IFT122: variants seen among roughly 807,000 people sequenced by gnomAD.
IFT122 encodes intraflagellar transport 122, also known as intraflagellar transport protein 122 homolog.
IFT122 carries 118 observed loss-of-function variants against 161.6 expected under a neutral mutation model. The observed-to-expected ratio is 0.73, with a 90% CI of 0.63 to 0.85. The LOEUF (loss-of-function observed/expected upper bound fraction) is 0.85, where lower values mean the gene tolerates loss of function less well. IFT122 is among the 40% of genes least tolerant of loss of function. IFT122 has a pLI of 0.00. For synonymous variants in IFT122, 550 were observed against 602.4 expected, an observed-to-expected ratio of 0.91 and a Z score of 1.27; for missense variants, 1,381 against 1,579.6, an observed-to-expected ratio of 0.87 and a Z score of 2.13.
intron 15 of IFT122, 75 bp downstream of exon 15, chr3:129,483,757 G>A: frequency 1.5e-6 from 2 of 1,342,294 alleles, no homozygotes; most frequent in Non-Finnish European, 1.0e-6. Flanking sequence ...CTTTGCTGGT[G>A]CTTTGGGGAG....
At chr3:129,516,900 CACACAGAG>C (rs2083879994) in intron 26 of IFT122, among the ~76,000 whole-genome samples, 1 of 145,020 alleles carries the variant, frequency 6.9e-6, no homozygotes, top group African/African-American at 2.6e-5. Context: ...TGCACACAGA[CACACAGAG>C]ACCGCTCCTG....
chr3:129,444,240 G>A (rs774161565), intron 1 of IFT122, among the ~76,000 whole-genome samples: 14 of 152,184 alleles, frequency 9.2e-5, no homozygotes, highest in Non-Finnish European at 1.6e-4. Context: ...AATGTGAAAT[G>A]TGCCAAGGCT....
At chr3:129,493,882 A>G (rs540158680) in intron 17 of IFT122, among the ~76,000 whole-genome samples, 2 of 152,290 alleles carry the variant, frequency 1.3e-5, no homozygotes, top group South Asian at 4.1e-4. Context: ...CTCGTATGCT[A>G]TGAGCTGGGA....
rs113103573 is a variant in IFT122, at chr3:129,500,007, A to G, written c.2314A>G (p.Ile772Val). The change falls in exon 19 of 30, where the codon ATC becomes GTC. Residue 772 changes from isoleucine to valine, a missense_variant. By Grantham distance (29) the Ile-to-Val change is conservative. Around this residue, in one of 7 missense-constraint regions of IFT122, gnomAD observed 496 missense variants for 502.5 expected, o/e 0.99. Transcript: ENST00000348417. ...GCCCAAAGCCGCCGTGGAGATGTAC[A>G]TCTCAGCAGGAGAGCACGTCAAGGC... ...KEPKAAVEMY[I>V]SAGEHVKAIE... is the part of the protein sequence containing the mutation. 2.5e-6 allele frequency: 4 copies of G among 1,614,070 alleles called. No individual in the cohort carries two copies. The highest frequency in any genetic ancestry group is 2.7e-5 in the African/African-American group (2 of 74,914).
intron 8 of IFT122, among the ~76,000 whole-genome samples, chr3:129,468,797 G>T (rs2077066485): frequency 6.6e-6 from 1 of 152,206 alleles, no homozygotes; most frequent in Admixed American, 6.5e-5. Flanking sequence ...AGAGCCCATT[G>T]CTCTTTTTTG....
At chr3:129,505,691 A>G (rs1346628763) in intron 21 of IFT122, among the ~76,000 whole-genome samples, 2 of 152,344 alleles carry the variant, frequency 1.3e-5, no homozygotes, top group East Asian at 3.9e-4. Context: ...GCAGCCACCA[A>G]CATCTCAAGG....
intron 25 of IFT122, 89 bp downstream of exon 25, chr3:129,514,643 G>A: frequency 6.8e-7 from 1 of 1,464,228 alleles, no homozygotes; most frequent in Non-Finnish European, 9.5e-7. Context: ...TCCGTTTGAA[G>A]AGAGACAGCT....
rs371292976 is a variant in IFT122 at position 129,481,499 on chromosome 3, A to G, written c.1489-31A>G. On this transcript the variant is annotated intron_variant, in intron 13 of 29. Transcript: ENST00000348417. ...GGGCCAGGATCTTGTTGCCATGGTG[A>G]CTGACACTGTTTTCGCTGAAATTTT... 8.2e-5 allele frequency: 120 copies of G among 1,464,256 alleles called. No homozygotes were observed. The African/African-American group carries it at 1.5e-3, about 19-fold the overall frequency. The allele number at this position is 1,464,256 out of a possible 1,614,324, so 90.7% of individuals were successfully genotyped here. A position where few individuals can be genotyped will look rare whatever the true frequency, so the allele number is the denominator to read the frequency against.
Position 129,478,227 on chromosome 3 carries a change from C to T in IFT122, c.1350+9C>T. On this transcript the variant is annotated intron_variant, in intron 12 of 29. Coordinates refer to ENST00000348417, the MANE Select transcript of IFT122 (RefSeq NM_052989.3). ...ACATCATCCTGTGCCAGGTGGGCAG[C>T]AGCATGTTGAAGGAGTTGGGCTGAA... The T allele has an allele frequency of 1.2e-6, 2 of 1,613,452 alleles. No homozygotes were observed. Among genetic ancestry groups the T allele is most frequent in the Non-Finnish European group, 1.7e-6 (2 of 1,179,496 alleles).
chr3:129,499,857 A>G, intron 18 of IFT122, 45 bp from the exon 19 acceptor site: 3 of 1,610,836 alleles, frequency 1.9e-6, no homozygotes, highest in Middle Eastern at 1.8e-4. Context: ...ACGCTGGCAC[A>G]GGAAGTTCTG....
At chr3:129,508,690 C>G (rs746907219) in intron 23 of IFT122, among the ~76,000 whole-genome samples, 1 of 152,166 alleles carries the variant, frequency 6.6e-6, no homozygotes, top group South Asian at 2.1e-4. Flanking sequence ...TGGGATTTGA[C>G]GAACTCTTGG....
rs2083213912 is a variant in IFT122, at chr3:129,514,372, AACCCTGTTC to A, written c.2988-14_2988-6del. On this transcript the variant is annotated splice_region_variant and splice_polypyrimidine_tract_variant and intron_variant, in intron 24 of 29. Coordinates refer to ENST00000348417, the MANE Select transcript of IFT122 (RefSeq NM_052989.3). ...GCCTGGTGTTGCCCCTGCTGTCCTT[AACCCTGTTC>A]ACGGCAGGAAAATACTCTTCACCTT... The A allele has an allele frequency of 6.2e-7, 1 of 1,613,816 alleles. No individual in the cohort carries two copies. The highest frequency in any genetic ancestry group is 1.3e-5 in the African/African-American group (1 of 74,970).
chr3:129,452,104 C>A (rs1177480599), intron 3 of IFT122, 106 bp downstream of exon 3: 4 of 878,028 alleles, frequency 4.6e-6, no homozygotes, highest in Non-Finnish European at 7.6e-6. Context: ...GTACAAGTTG[C>A]AAGTTCAGAA....
intron 27 of IFT122, among the ~76,000 whole-genome samples, chr3:129,518,160 A>G (rs776368675): frequency 2.6e-5 from 4 of 152,170 alleles, no homozygotes; most frequent in Admixed American, 6.5e-5. Context: ...CATAACACAG[A>G]GATGTCAGGA....
intron 15 of IFT122, 28 bp downstream of exon 15, chr3:129,483,710 G>A (rs1416082809): frequency 6.4e-7 from 1 of 1,559,498 alleles, no homozygotes; most frequent in African/African-American, 1.4e-5. Flanking sequence ...TCCACTCTTA[G>A]CACTGGCAAG....
chr3:129,483,203 C>G (rs1232540337), intron 14 of IFT122, among the ~76,000 whole-genome samples: 2 of 152,140 alleles, frequency 1.3e-5, no homozygotes, highest in Non-Finnish European at 2.9e-5. Flanking sequence ...AGATCCTAGG[C>G]AGAAAGGTAT....
At chr3:129,500,924 A>G (rs368851656) in intron 19 of IFT122, among the ~76,000 whole-genome samples, 1 of 152,226 alleles carries the variant, frequency 6.6e-6, no homozygotes, top group South Asian at 2.1e-4. Context: ...GCAGTAGAGC[A>G]GGAGGGAACT....
intron 18 of IFT122, among the ~76,000 whole-genome samples, chr3:129,497,273 A>T (rs1288918056): frequency 2.0e-5 from 3 of 152,192 alleles, no homozygotes; most frequent in South Asian, 2.1e-4. Flanking sequence ...TGTCAAAAAA[A>T]AATAATAAAA....
At chr3:129,519,338 G>A in intron 28 of IFT122, 152 bp downstream of exon 28, 1 of 966,732 alleles carries the variant, frequency 1.0e-6, no homozygotes, top group Admixed American at 2.0e-5. Flanking sequence ...CCCTTCCTGT[G>A]GGGTGTGGGA....
Sources: allele counts gnomAD v4.1 joint callset (sites outside exome capture counted in the v4.1 genomes callset), GRCh38; gene constraint gnomAD v4.1.1; regional missense constraint gnomAD v4.1.1; transcripts MANE v1.5; gene names NCBI Gene and HGNC (gene_info 2026-07-23, HGNC 2026-07-21).